The following PRH1 variants were observed in gnomAD, a reference collection of about 807,000 sequenced individuals.
The protein encoded by PRH1 is salivary acidic proline-rich phosphoprotein 1/2.
In PRH1, 7 loss-of-function variants were observed where a neutral mutation model predicts 7.9. The ratio of observed to expected loss-of-function variants is 0.89; its 90% CI spans 0.50 to 1.67. PRH1 has a LOEUF of 1.67. PRH1 is among the 40% of genes most tolerant of loss of function. PRH1 has a pLI of 0.00. For missense variants in PRH1, 109 were observed against 223.6 expected (o/e 0.49, Z 3.27); for synonymous variants, 45 against 80.8 (o/e 0.56, Z 2.38).
intron 2 of PRH1, among the ~76,000 whole-genome samples, chr12:10,957,680 C>T (rs534686622): frequency 2.0e-5 from 3 of 151,848 alleles, no homozygotes; most frequent in South Asian, 2.1e-4. Flanking sequence ...ATGACAAAGG[C>T]GTAATATCCG....
chr12:10,898,589 T>C (rs1335115563), intron 2 of PRH1, among the ~76,000 whole-genome samples: 1 of 152,180 alleles, frequency 6.6e-6, no homozygotes, highest in South Asian at 2.1e-4. Context: ...TCTGAAAAGA[T>C]GAACTCTAAA....
chr12:10,887,111 C>A (rs187064624), upstream of PRH1, among the ~76,000 whole-genome samples: 1 of 152,228 alleles, frequency 6.6e-6, no homozygotes, highest in Admixed American at 6.5e-5. Flanking sequence ...CACCCACATG[C>A]CTCACTCTTT....
At chr12:11,086,199 G>C (rs78680945) in intron 1 of PRH1, among the ~76,000 whole-genome samples, 60,317 of 121,326 alleles carry the variant, frequency 0.5, 10,914 homozygotes, top group Non-Finnish European at 0.58. Flanking sequence ...GCTTTTCAGC[G>C]CATTTTCAAT....
intron 1 of PRH1, among the ~76,000 whole-genome samples, chr12:11,147,105 CTT>C (rs1946885336): frequency 6.6e-6 from 1 of 152,080 alleles, no homozygotes; most frequent in African/African-American, 2.4e-5. Flanking sequence ...TTTAATAAGA[CTT>C]TGCCACAACT....
intron 1 of PRH1, chr12:11,134,053 T>C (rs1436162173): frequency 1.9e-6 from 3 of 1,614,122 alleles, no homozygotes; most frequent in East Asian, 4.5e-5. Context: ...CATACCAATG[T>C]AGTAATAACA....
chr12:10,881,376 T>C (rs962530396), intron 3 of PRH1, among the ~76,000 whole-genome samples: 2 of 152,216 alleles, frequency 1.3e-5, no homozygotes, highest in African/African-American at 4.8e-5. Flanking sequence ...ATAGTGAGAA[T>C]GTGAATCCAG....
intron 1 of PRH1, among the ~76,000 whole-genome samples, chr12:11,109,535 G>C (rs1257741401): frequency 6.6e-6 from 1 of 152,158 alleles, no homozygotes; most frequent in Non-Finnish European, 1.5e-5. Flanking sequence ...ACAAGGTCTG[G>C]AGTGGACCTC....
chr12:10,998,089 C>T (rs975090613), intron 1 of PRH1, among the ~76,000 whole-genome samples: 66 of 152,086 alleles, frequency 4.3e-4, no homozygotes, highest in African/African-American at 1.6e-3. Context: ...TACTGTTAGT[C>T]CCAAAACAAC....
At chr12:11,152,518 G>A (rs1393161339) in intron 1 of PRH1, among the ~76,000 whole-genome samples, 1 of 151,664 alleles carries the variant, frequency 6.6e-6, no homozygotes, top group Non-Finnish European at 1.5e-5. Flanking sequence ...ATTTATTTTT[G>A]TTTTATCACT....
upstream of PRH1, chr12:10,884,347 G>A (rs1322451885): frequency 9.0e-6 from 10 of 1,109,372 alleles, no homozygotes; most frequent in South Asian, 1.3e-5. Flanking sequence ...CTCAGAGACT[G>A]GCTTCTGCTT....
intron 2 of PRH1, among the ~76,000 whole-genome samples, chr12:10,960,887 T>C (rs1938207639): frequency 1.3e-5 from 2 of 152,178 alleles, no homozygotes; most frequent in African/African-American, 4.8e-5. Flanking sequence ...TGTTTCCTGA[T>C]ACATAATTCT....
chr12:10,897,763 C>CTTTTCAGAATGTCA (rs1949668957), intron 2 of PRH1, among the ~76,000 whole-genome samples: 1 of 152,134 alleles, frequency 6.6e-6, no homozygotes, highest in Admixed American at 6.5e-5. Context: ...ATAACTCACT[C>CTTTTCAGAATGTCA]ACTCACTATT....
At chr12:10,958,324 T>C (rs973411824) in intron 2 of PRH1, among the ~76,000 whole-genome samples, 8 of 152,092 alleles carry the variant, frequency 5.3e-5, no homozygotes, top group Non-Finnish European at 7.4e-5. Flanking sequence ...AAATACCACA[T>C]GTTCTCACTT....
chr12:11,164,445 T>G (rs1947512097), intron 1 of PRH1, among the ~76,000 whole-genome samples: 1 of 152,182 alleles, frequency 6.6e-6, no homozygotes. Context: ...GAATCCCTTT[T>G]TACACATGTT....
intron 1 of PRH1, chr12:11,030,556 G>A: frequency 1.2e-6 from 2 of 1,614,210 alleles, no homozygotes; most frequent in South Asian, 2.2e-5. Context: ...AGAACATGAA[G>A]ACAGGTTTGT....
In PRH1 at chr12:11,134,493, A is replaced by C. The variant is rs1186710578; in HGVS notation, n.40-13313T>G. The stretch of plus-strand genomic sequence containing the variant: ...ACAATTCAAATTAACTGACTCATTC[A>C]CCATCTGTTCTTGTTATAGGCTGGA... On this transcript the variant is annotated intron_variant and non_coding_transcript_variant, in intron 1 of 1. Transcript: ENST00000541175. 1.6e-5 allele frequency: 8 copies of C among 490,014 alleles called. 1 individual carries two copies. Among genetic ancestry groups the C allele is most frequent in the African/African-American group, 1.2e-4 (6 of 51,354 alleles). The allele number at this position is 490,014 out of a possible 1,614,324, so 30.4% of individuals were successfully genotyped here.
intron 1 of PRH1, among the ~76,000 whole-genome samples, chr12:11,062,838 T>C (rs1565611118): frequency 6.6e-6 from 1 of 152,220 alleles, no homozygotes; most frequent in East Asian, 1.9e-4. Flanking sequence ...GAATCCAAAC[T>C]GCTTTTATCA....
intron 2 of PRH1, among the ~76,000 whole-genome samples, chr12:10,920,191 T>C (rs1454752486): frequency 6.6e-6 from 1 of 151,832 alleles, no homozygotes; most frequent in Non-Finnish European, 1.5e-5. Flanking sequence ...ACTAAATAAA[T>C]AATTTAAATA....
intron 2 of PRH1, chr12:10,939,309 T>TC: frequency 1.5e-6 from 1 of 672,110 alleles, no homozygotes; most frequent in Non-Finnish European, 2.4e-6. Context: ...AATTCAATAA[T>TC]ATATTCCCTT....
Sources: allele counts gnomAD v4.1 joint callset (sites outside exome capture counted in the v4.1 genomes callset), GRCh38; gene constraint gnomAD v4.1.1; transcripts MANE v1.5; gene names NCBI Gene and HGNC (gene_info 2026-07-23, HGNC 2026-07-21).